EEA1: variants seen among roughly 807,000 people sequenced by gnomAD.
EEA1 encodes the protein early endosome antigen 1, 162kD.
A neutral mutation model predicts 209.2 loss-of-function variants in EEA1; 111 were observed. That is an observed-to-expected ratio of 0.53 (90% confidence interval 0.45 to 0.62). EEA1 has a LOEUF of 0.62. Among genes scored for constraint, EEA1 ranks in the 20% least tolerant of loss-of-function variants. The pLI is 0.00. For missense variants in EEA1, 1,343 were observed against 1,530.8 expected (o/e 0.88, Z 2.05); for synonymous variants, 536 against 540.6 (o/e 0.99, Z 0.12).
chr12:92,801,364 T>A (rs939991472), intron 20 of EEA1, among the ~76,000 whole-genome samples: 5 of 152,032 alleles, frequency 3.3e-5, no homozygotes, highest in African/African-American at 1.2e-4. Flanking sequence ...TAAGTCTTTT[T>A]AATAGTAGGC....
rs1328671524 is a variant in EEA1, at chr12:92,773,457, A to AT, written c.*2553dup. The AT allele has an allele frequency of 6.6e-6, 1 of 151,996 alleles. No individual in the cohort carries two copies. Among genetic ancestry groups the AT allele is most frequent in the Non-Finnish European group, 1.5e-5 (1 of 67,638 alleles). The allele number at this position is 151,996 out of a possible 1,614,324, so 9.4% of individuals were successfully genotyped here. Reference sequence around the variant, plus strand: ...TGAGGTTTTTGTGTTTGTTTCCCTCATTTTTTCTTCAAAGGAACAAATCCT... The same window carrying AT: ...TGAGGTTTTTGTGTTTGTTTCCCTCATTTTTTTCTTCAAAGGAACAAATCCT... On this transcript the variant is annotated 3_prime_UTR_variant, in exon 29 of 29. Coordinates refer to ENST00000322349, the MANE Select transcript of EEA1 (RefSeq NM_003566.4).
At chr12:92,909,303 T>C (rs1369256884) in intron 1 of EEA1, among the ~76,000 whole-genome samples, 1 of 152,208 alleles carries the variant, frequency 6.6e-6, no homozygotes, top group Non-Finnish European at 1.5e-5. Flanking sequence ...AAACATATTA[T>C]TGTGCCAAAA....
At chr12:92,777,760 T>C (rs1873720617) in intron 26 of EEA1, 97 bp from the exon 27 acceptor site, 2 of 1,320,278 alleles carry the variant, frequency 1.5e-6, no homozygotes, top group Admixed American at 2.7e-5. Flanking sequence ...ATTTAAAATA[T>C]ATGATACATT....
At chr12:92,864,480 T>A (rs567270734) in intron 3 of EEA1, among the ~76,000 whole-genome samples, 5 of 152,334 alleles carry the variant, frequency 3.3e-5, no homozygotes, top group South Asian at 2.1e-4. Context: ...TGGAAATTTT[T>A]AAATTTTAAA....
chr12:92,834,459 T>C (rs2136695026), intron 10 of EEA1, among the ~76,000 whole-genome samples: 1 of 147,616 alleles, frequency 6.8e-6, no homozygotes. Context: ...GCAGGAGGCA[T>C]GCTTGGGCCC....
chr12:92,812,986 T>C lies in EEA1; in HGVS notation c.2037A>G (p.Lys679=). The C allele has an allele frequency of 6.4e-7, 1 of 1,572,238 alleles. No individual in the cohort carries two copies. Among genetic ancestry groups the C allele is most frequent in the Non-Finnish European group, 8.7e-7 (1 of 1,152,220 alleles). ...LDTAQNALQD[K]QQELNKITTQ... is the part of the protein sequence containing the mutation. ...ATTGCATCTGTTTCCCTACCTGCTG[T>C]TTATCTTGTAATGCATTTTGAGCTG... Residue 679 remains lysine (K), a synonymous_variant, in exon 16 of 29, where the codon AAA becomes AAG. Transcript: ENST00000322349.
At chr12:92,881,516 T>G (rs904211002) in intron 2 of EEA1, among the ~76,000 whole-genome samples, 1 of 151,750 alleles carries the variant, frequency 6.6e-6, no homozygotes, top group East Asian at 1.9e-4. Flanking sequence ...GTTGAAGAGG[T>G]AGGAAAAACA....
chr12:92,784,455 G>C (rs1338092302), intron 22 of EEA1, among the ~76,000 whole-genome samples: 1 of 152,174 alleles, frequency 6.6e-6, no homozygotes, highest in Non-Finnish European at 1.5e-5. Flanking sequence ...TTAGTTAATA[G>C]AGATCCTGAT....
intron 15 of EEA1, among the ~76,000 whole-genome samples, chr12:92,813,748 C>T (rs548896336): frequency 6.6e-6 from 1 of 152,294 alleles, no homozygotes; most frequent in South Asian, 2.1e-4. Context: ...AGTGCGGTGG[C>T]TCACACCTGT....
intron 13 of EEA1, among the ~76,000 whole-genome samples, chr12:92,820,073 A>T (rs1166257672): frequency 6.6e-6 from 1 of 152,150 alleles, no homozygotes; most frequent in Non-Finnish European, 1.5e-5. Flanking sequence ...TTACATTGTC[A>T]TGCTTATCTG....
intron 21 of EEA1, among the ~76,000 whole-genome samples, chr12:92,789,766 G>A (rs1399632957): frequency 6.6e-6 from 1 of 152,204 alleles, no homozygotes; most frequent in African/African-American, 2.4e-5. Flanking sequence ...GAAGAGAGCA[G>A]TGGTTCTCCC....
intron 22 of EEA1, among the ~76,000 whole-genome samples, chr12:92,783,593 A>G (rs181177564): frequency 2.6e-5 from 4 of 152,334 alleles, no homozygotes; most frequent in South Asian, 2.1e-4. Flanking sequence ...GTCATTTAAC[A>G]TAGTCCATAG....
chr12:92,819,150 A>G (rs1443632558), intron 14 of EEA1, among the ~76,000 whole-genome samples, 158 bp downstream of exon 14: 2 of 152,178 alleles, frequency 1.3e-5, no homozygotes, highest in East Asian at 3.8e-4. Flanking sequence ...ATAGTAACCT[A>G]CCTCTTAAGG....
intron 1 of EEA1, among the ~76,000 whole-genome samples, chr12:92,922,719 G>A (rs1881052738): frequency 1.3e-5 from 2 of 152,118 alleles, no homozygotes; most frequent in Admixed American, 1.3e-4. Context: ...TTGGGAAGCC[G>A]AGGCGGGCGG....
intron 5 of EEA1, among the ~76,000 whole-genome samples, chr12:92,855,712 T>C (rs972549097): frequency 1.3e-5 from 2 of 152,192 alleles, no homozygotes; most frequent in African/African-American, 4.8e-5. Flanking sequence ...ACATACTGAT[T>C]GCTAAGAACC....
At chr12:92,896,279 T>C (rs1879878602) in intron 1 of EEA1, among the ~76,000 whole-genome samples, 1 of 152,174 alleles carries the variant, frequency 6.6e-6, no homozygotes, top group South Asian at 2.1e-4. Flanking sequence ...GCATGACTGA[T>C]AATTTTCACA....
chr12:92,814,813 G>A lies in EEA1; in HGVS notation c.1929+1387C>T, dbSNP rs575880763. ...CTGATCATGCACACAAGGAAGTACCGTGGAAGTAGAGATCAAAAGGTGTAT... is the reference window on the plus strand; with the variant it reads ...CTGATCATGCACACAAGGAAGTACCATGGAAGTAGAGATCAAAAGGTGTAT... On this transcript the variant is annotated intron_variant, in intron 15 of 28. Coordinates refer to ENST00000322349, the MANE Select transcript of EEA1 (RefSeq NM_003566.4). Among the ~76,000 whole-genome samples the A allele has an allele frequency of 1.1e-4, 16 of 152,246 alleles. No individual in the cohort carries two copies. In the South Asian group the frequency reaches 2.5e-3, roughly 24 times the overall value.
intron 1 of EEA1, among the ~76,000 whole-genome samples, chr12:92,902,011 G>A (rs1270514075): frequency 1.3e-5 from 2 of 152,118 alleles, no homozygotes; most frequent in Non-Finnish European, 2.9e-5. Context: ...AAAAGAATGG[G>A]ATTGGAATGA....
chr12:92,887,720 C>T (rs1471438384), intron 2 of EEA1, among the ~76,000 whole-genome samples: 2 of 150,952 alleles, frequency 1.3e-5, no homozygotes, highest in Non-Finnish European at 3.0e-5. Flanking sequence ...TACAGGAAGC[C>T]CCCAACTTAG....
Sources: allele counts gnomAD v4.1 joint callset (sites outside exome capture counted in the v4.1 genomes callset), GRCh38; gene constraint gnomAD v4.1.1; transcripts MANE v1.5; gene names NCBI Gene and HGNC (gene_info 2026-07-23, HGNC 2026-07-21).